ARK2C: variants seen among roughly 807,000 people sequenced by gnomAD.
ARK2C encodes E3 ubiquitin-protein ligase ARK2C.
chr18:46,335,663 G>A, the ARK2C span: 6 of 151,750 alleles, frequency 4.0e-5, no homozygotes, highest in African/African-American at 1.5e-4. Context: ...GGGGGGTGGG[G>A]TCGCAGGGCC....
chr18:46,336,833 A>G, the ARK2C span: 3 of 985,446 alleles, frequency 3.0e-6, no homozygotes, highest in South Asian at 4.7e-5. Flanking sequence ...GCACCCAGGC[A>G]TAACTGAAGA....
chr18:46,414,579 C>T, the ARK2C span, among the ~76,000 whole-genome samples: 1,582 of 152,320 alleles, frequency 0.01, 25 homozygotes, highest in African/African-American at 0.036. Context: ...GACACATGCT[C>T]GCACATGCCC....
chr18:46,456,094 AT>A, the ARK2C span: 2 of 1,481,436 alleles, frequency 1.4e-6, no homozygotes, highest in African/African-American at 2.8e-5. Flanking sequence ...GGAGACCGCC[AT>A]TTTGATTCCC....
At chr18:46,407,230 A>G in the ARK2C span, among the ~76,000 whole-genome samples, 16 of 152,156 alleles carry the variant, frequency 1.1e-4, no homozygotes, top group East Asian at 2.9e-3. Flanking sequence ...TTTTCACCCC[A>G]CAGAGTGGGA....
chr18:46,401,872 C>T, the ARK2C span, among the ~76,000 whole-genome samples: 1 of 152,200 alleles, frequency 6.6e-6, no homozygotes, highest in East Asian at 1.9e-4. Context: ...AGGCTTCACA[C>T]TGGGAGGGAC....
the ARK2C span, among the ~76,000 whole-genome samples, chr18:46,352,160 C>T: frequency 6.6e-6 from 1 of 152,168 alleles, no homozygotes; most frequent in African/African-American, 2.4e-5. Context: ...ATTTGGGAAC[C>T]CTCCAGGCTC....
the ARK2C span, among the ~76,000 whole-genome samples, chr18:46,352,120 G>A: frequency 6.6e-6 from 1 of 152,116 alleles, no homozygotes; most frequent in Non-Finnish European, 1.5e-5. Context: ...CATTGGCCCT[G>A]GACAGCCTTT....
chr18:46,379,884 C>T, the ARK2C span, among the ~76,000 whole-genome samples: 1 of 152,070 alleles, frequency 6.6e-6, no homozygotes, highest in African/African-American at 2.4e-5. Flanking sequence ...ATCTGCATGG[C>T]TGTCCTGCCC....
At chr18:46,385,469 C>T in the ARK2C span, among the ~76,000 whole-genome samples, 3 of 152,308 alleles carry the variant, frequency 2.0e-5, no homozygotes, top group Admixed American at 1.3e-4. Context: ...GGTTGAAACC[C>T]AGGAGCTTTT....
chr18:46,417,927 C>CT, the ARK2C span, among the ~76,000 whole-genome samples: 1 of 152,050 alleles, frequency 6.6e-6, no homozygotes, highest in Non-Finnish European at 1.5e-5. Context: ...TCGCTTGAAC[C>CT]TGGGAGGTGG....
chr18:46,414,721 A>G, the ARK2C span, among the ~76,000 whole-genome samples: 1 of 152,204 alleles, frequency 6.6e-6, no homozygotes, highest in East Asian at 1.9e-4. Flanking sequence ...AGACTCCAGA[A>G]GGGCAAACAC....
At chr18:46,346,169 A>G in the ARK2C span, among the ~76,000 whole-genome samples, 1 of 152,172 alleles carries the variant, frequency 6.6e-6, no homozygotes. Context: ...CAGATCCTCA[A>G]GTGTGCCAGG....
chr18:46,416,102 T>C, the ARK2C span, among the ~76,000 whole-genome samples: 2 of 152,118 alleles, frequency 1.3e-5, no homozygotes, highest in Non-Finnish European at 2.9e-5. Context: ...AACAATTGAT[T>C]TGTCTATTTG....
chr18:46,398,637 G>A, the ARK2C span, among the ~76,000 whole-genome samples: 1 of 151,956 alleles, frequency 6.6e-6, no homozygotes. Flanking sequence ...ACCATGGGTT[G>A]GTGGGTCTGA....
the ARK2C span, among the ~76,000 whole-genome samples, chr18:46,434,390 A>C: frequency 6.6e-6 from 1 of 152,254 alleles, no homozygotes; most frequent in Non-Finnish European, 1.5e-5. Context: ...TTTATGAAAA[A>C]TAACCACTAT....
At chr18:46,452,337 T>A in the ARK2C span, among the ~76,000 whole-genome samples, 1 of 152,176 alleles carries the variant, frequency 6.6e-6, no homozygotes, top group East Asian at 1.9e-4. Flanking sequence ...TGGAGTGCAG[T>A]GGCACGATCT....
the ARK2C span, among the ~76,000 whole-genome samples, chr18:46,393,518 C>G: frequency 6.6e-6 from 1 of 152,310 alleles, no homozygotes; most frequent in African/African-American, 2.4e-5. Context: ...CATACCCTGT[C>G]TGGACGCCCC....
chr18:46,461,803 T>C, the ARK2C span: 1 of 152,272 alleles, frequency 6.6e-6, no homozygotes, highest in African/African-American at 2.4e-5. Context: ...ATATGTGGCA[T>C]CCTGTGGGTG....
chr18:46,460,650 C>T, the ARK2C span: 2 of 151,672 alleles, frequency 1.3e-5, no homozygotes, highest in Admixed American at 6.6e-5. Context: ...CAAACAACTA[C>T]GAATACAAAA....
Sources: allele counts gnomAD v4.1 joint callset (sites outside exome capture counted in the v4.1 genomes callset), GRCh38; gene constraint gnomAD v4.1.1; transcripts MANE v1.5; gene names NCBI Gene and HGNC (gene_info 2026-07-23, HGNC 2026-07-21).